Variants in ZNF277 observed in about 807,000 individuals in gnomAD.
The protein encoded by ZNF277 is zinc finger protein 277, also known as nuclear receptor-interacting factor 4.
ZNF277 carries 55 observed loss-of-function variants against 60.7 expected under a neutral mutation model. That is an observed-to-expected ratio of 0.91 (90% confidence interval 0.73 to 1.13). ZNF277 has a LOEUF of 1.13. Among genes scored for constraint, ZNF277 ranks in the 50% most tolerant of loss-of-function variants. The probability of loss-of-function intolerance (pLI) is 0.00; values close to 1 mark genes in which losing one functional copy is unlikely to be tolerated. For synonymous variants in ZNF277, 178 were observed against 179.3 expected (o/e 0.99, Z 0.06); for missense variants, 510 against 523.0 (o/e 0.98, Z 0.24).
chr7:112,281,391 ATTAC>A (rs1482037561), intron 1 of ZNF277, among the ~76,000 whole-genome samples: 3 of 152,222 alleles, frequency 2.0e-5, no homozygotes, highest in Non-Finnish European at 4.4e-5. Context: ...GTAGAGTGGT[ATTAC>A]TTACTCTGAA....
chr7:112,263,367 C>A (rs1791476762), intron 1 of ZNF277, among the ~76,000 whole-genome samples: 1 of 152,160 alleles, frequency 6.6e-6, no homozygotes, highest in Non-Finnish European at 1.5e-5. Flanking sequence ...TTCTCACTGA[C>A]CCATTGGGAT....
rs2117148167 is a variant in ZNF277, at chr7:112,340,989, T to G, written c.1127T>G (p.Met376Arg). The stretch of plus-strand genomic sequence containing the variant: ...TCCAAAGCAGACTTAAGAACTCACA[T>G]GGAAGAAACTAAACACACTTCGCTG... ...FKSKADLRTHMEETKHTSLLP... is the reference protein window; with the variant it reads ...FKSKADLRTHREETKHTSLLP... The change falls in exon 11 of 12, where the codon ATG becomes AGG. Residue 376 changes from methionine (M) to arginine (R), a missense_variant. Transcript: ENST00000361822. 1 of 1,609,466 alleles carries G rather than the reference T, an allele frequency of 6.2e-7. No homozygotes were observed. The highest frequency in any genetic ancestry group is 8.5e-7 in the Non-Finnish European group (1 of 1,178,538).
intron 4 of ZNF277, among the ~76,000 whole-genome samples, chr7:112,304,527 A>G (rs1279405194): frequency 6.6e-6 from 1 of 152,174 alleles, no homozygotes; most frequent in Admixed American, 6.6e-5. Flanking sequence ...ATCTGTACAA[A>G]TAATTTATTC....
intron 2 of ZNF277, among the ~76,000 whole-genome samples, chr7:112,294,356 G>C (rs1405897755): frequency 6.6e-6 from 1 of 152,170 alleles, no homozygotes; most frequent in Non-Finnish European, 1.5e-5. Flanking sequence ...TTTATCTGCT[G>C]TGATGGATCC....
chr7:112,231,212 C>CA (rs11340888), intron 1 of ZNF277, among the ~76,000 whole-genome samples: 5,605 of 132,280 alleles, frequency 0.042, 184 homozygotes, highest in African/African-American at 0.1. Context: ...GACTCCGTCT[C>CA]AAAAAAAAAA....
At position 112,330,235 on chromosome 7, in the gene ZNF277, A is replaced by C. The variant is rs1412266162; in HGVS notation, c.801+19A>C. On this transcript the variant is annotated intron_variant, in intron 7 of 11. Transcript: ENST00000361822. ...TTATTTGGTAAGGCTTTCTTTTCAT[A>C]ACTTAAAATTTGATTGCAGTACTGC... 1.2e-6 allele frequency: 2 copies of C among 1,610,346 alleles called. No homozygotes were observed. Among genetic ancestry groups the C allele is most frequent in the Non-Finnish European group, 1.7e-6 (2 of 1,179,382 alleles).
At chr7:112,217,911 C>G (rs983232531) in intron 1 of ZNF277, among the ~76,000 whole-genome samples, 15 of 152,116 alleles carry the variant, frequency 9.9e-5, no homozygotes, top group Non-Finnish European at 1.5e-5. Flanking sequence ...GGTCTTGTGG[C>G]CGCCACCCAG....
intron 1 of ZNF277, among the ~76,000 whole-genome samples, chr7:112,252,974 A>G (rs1791231914): frequency 6.6e-6 from 1 of 152,226 alleles, no homozygotes. Context: ...AGAAAGTCAC[A>G]GAGAGGAAGC....
At chr7:112,213,697 T>C (rs1481923004) in intron 1 of ZNF277, among the ~76,000 whole-genome samples, 1 of 152,198 alleles carries the variant, frequency 6.6e-6, no homozygotes, top group Non-Finnish European at 1.5e-5. Flanking sequence ...CTATGCACGG[T>C]TGTAATGATG....
chr7:112,291,763 C>T (rs1305249052), intron 2 of ZNF277, among the ~76,000 whole-genome samples: 2 of 152,128 alleles, frequency 1.3e-5, no homozygotes, highest in Non-Finnish European at 2.9e-5. Context: ...AGCTTAAAAA[C>T]CACTATTATG....
intron 1 of ZNF277, among the ~76,000 whole-genome samples, chr7:112,283,127 A>G (rs1215542752): frequency 1.3e-5 from 2 of 152,250 alleles, no homozygotes; most frequent in Non-Finnish European, 2.9e-5. Context: ...AGATAAACAA[A>G]TTACTCCATA....
At chr7:112,282,495 T>C (rs1791969988) in intron 1 of ZNF277, among the ~76,000 whole-genome samples, 1 of 152,260 alleles carries the variant, frequency 6.6e-6, no homozygotes, top group African/African-American at 2.4e-5. Flanking sequence ...CACTTCATTT[T>C]GTGCTATCTC....
chr7:112,242,557 C>CAAAA (rs34058145), intron 1 of ZNF277, among the ~76,000 whole-genome samples: 13 of 99,472 alleles, frequency 1.3e-4, no homozygotes, highest in Admixed American at 4.5e-4. Flanking sequence ...TAATAGCTAC[C>CAAAA]AAAAAAAAAA....
chr7:112,315,521 G>T (rs1037218861), intron 4 of ZNF277, among the ~76,000 whole-genome samples: 115 of 152,232 alleles, frequency 7.6e-4, no homozygotes, highest in African/African-American at 2.7e-3. Flanking sequence ...AGAGTCATTT[G>T]CAAAGTGATC....
chr7:112,270,663 G>C (rs77223378), intron 1 of ZNF277, among the ~76,000 whole-genome samples: 8,755 of 151,786 alleles, frequency 0.058, 670 homozygotes, highest in African/African-American at 0.18. Flanking sequence ...TTTTTATCAG[G>C]TATCTACAAA....
chr7:112,270,076 G>T (rs904648995), intron 1 of ZNF277, among the ~76,000 whole-genome samples: 7 of 151,988 alleles, frequency 4.6e-5, no homozygotes, highest in African/African-American at 1.7e-4. Flanking sequence ...AGTCTCCACT[G>T]GATTCGCATC....
chr7:112,270,268 TCA>T (rs1791639108), intron 1 of ZNF277, among the ~76,000 whole-genome samples: 1 of 152,136 alleles, frequency 6.6e-6, no homozygotes, highest in Non-Finnish European at 1.5e-5. Context: ...GTCAGTTTCA[TCA>T]AAATTAAATA....
chr7:112,258,425 A>G (rs898156227), intron 1 of ZNF277, among the ~76,000 whole-genome samples: 1 of 151,950 alleles, frequency 6.6e-6, no homozygotes, highest in African/African-American at 2.4e-5. Context: ...ATATACTTGT[A>G]CTATGCAAAG....
rs1390944647 is a variant in ZNF277, at chr7:112,286,912, A to G, written c.131A>G (p.Glu44Gly). 6.3e-7 allele frequency: 1 copy of G among 1,595,344 alleles called. No individual in the cohort carries two copies. Among genetic ancestry groups the G allele is most frequent in the Admixed American group, 1.7e-5 (1 of 57,160 alleles). Residue 44 changes from glutamate to glycine, a missense_variant, in exon 2 of 12, where the codon GAA (glutamate) becomes GGA (glycine). By Grantham distance (98) the Glu-to-Gly change is moderately conservative. Coordinates refer to ENST00000361822, the MANE Select transcript of ZNF277 (RefSeq NM_021994.3). ...DCILEPLSLP[E>G]SPGGTTTLEG... ...ATCCTGGAGCCGCTTTCCCTGCCAG[A>G]AAGTCCAGGTGGCACCACCACTTTA...
Sources: gnomAD v4.1 joint callset for allele counts (sites outside exome capture counted in the v4.1 genomes callset) on GRCh38, gnomAD v4.1.1 for gene constraint, MANE v1.5 for transcripts, NCBI Gene and HGNC (gene_info 2026-07-23, HGNC 2026-07-21) for gene names.